Variants in ZMAT4 observed in about 807,000 individuals in gnomAD.
The protein encoded by ZMAT4 is zinc finger matrin-type 4.
ZMAT4 carries 17 observed loss-of-function variants against 28.7 expected under a neutral mutation model. The ratio of observed to expected loss-of-function variants is 0.59; its 90% CI spans 0.41 to 0.89. The LOEUF is 0.89. ZMAT4 is among the 40% of genes least tolerant of loss of function. ZMAT4 has a pLI of 0.00. For missense variants in ZMAT4, 240 were observed against 283.8 expected (o/e 0.85, Z 1.11); for synonymous variants, 117 against 109.2 (o/e 1.07, Z -0.44).
chr8:40,804,667 A>C (rs10808945), intron 2 of ZMAT4, among the ~76,000 whole-genome samples: 86,062 of 151,466 alleles, frequency 0.57, 24,698 homozygotes, highest in East Asian at 0.66. Flanking sequence ...TGGAGAAACC[A>C]GGTCTCTCTG....
intron 1 of ZMAT4, among the ~76,000 whole-genome samples, chr8:40,874,959 C>T (rs1817988035): frequency 6.6e-6 from 1 of 152,182 alleles, no homozygotes; most frequent in Non-Finnish European, 1.5e-5. Context: ...GCACATGGCG[C>T]ACTCCAGAAT....
At chr8:40,665,114 G>C (rs943484557) in intron 5 of ZMAT4, among the ~76,000 whole-genome samples, 8 of 152,142 alleles carry the variant, frequency 5.3e-5, no homozygotes, top group African/African-American at 1.7e-4. Flanking sequence ...TCTGAGGCAG[G>C]AGAATCACTT....
intron 3 of ZMAT4, among the ~76,000 whole-genome samples, chr8:40,754,975 C>G (rs1035564276): frequency 9.2e-5 from 14 of 151,986 alleles, no homozygotes; most frequent in Non-Finnish European, 1.9e-4. Flanking sequence ...TATTGCATTC[C>G]ATCCAGCCTG....
rs116491387 is a variant in ZMAT4, at chr8:40,717,506, A to C, written c.193-20105T>G. Among the ~76,000 whole-genome samples, 1,016 of 152,038 alleles carry C rather than the reference A, an allele frequency of 6.7e-3. 16 individuals are homozygous for C. Among genetic ancestry groups the C allele is most frequent in the African/African-American group, 0.023 (963 of 41,474 alleles). ...TCCATCTCTACAAAATAAGAATAAAAAATAACTAGCCAGGTGTGGTGGTGC... is the reference window on the plus strand; with the variant it reads ...TCCATCTCTACAAAATAAGAATAAACAATAACTAGCCAGGTGTGGTGGTGC... On this transcript the variant is annotated intron_variant, in intron 3 of 6. Transcript: ENST00000297737.
At chr8:40,871,581 G>A (rs1817857771) in intron 1 of ZMAT4, among the ~76,000 whole-genome samples, 3 of 152,178 alleles carry the variant, frequency 2.0e-5, no homozygotes, top group Admixed American at 2.0e-4. Flanking sequence ...GGGAGTAGTG[G>A]GAAAAGGCAG....
Position 40,794,063 on chromosome 8 carries a change from T to G in ZMAT4, c.103-26333A>C, listed in dbSNP as rs148855552. Among the ~76,000 whole-genome samples, 1,519 of 152,214 alleles carry G rather than the reference T, an allele frequency of 1.0e-2. 15 individuals are homozygous for G. Among genetic ancestry groups the G allele is most frequent in the Admixed American group, 0.015 (234 of 15,300 alleles). The stretch of plus-strand genomic sequence containing the variant: ...TGCAATTAGTTCTTTGCCAGCTGCC[T>G]TAGGAGACATCAAAAGGCAATTTTT... On this transcript the variant is annotated intron_variant, in intron 2 of 6. Transcript: ENST00000297737.
At chr8:40,849,741 A>T (rs188934764) in intron 1 of ZMAT4, among the ~76,000 whole-genome samples, 1 of 152,304 alleles carries the variant, frequency 6.6e-6, no homozygotes, top group Non-Finnish European at 1.5e-5. Flanking sequence ...CTCATTCATG[A>T]GGATCTCCTT....
chr8:40,565,856 C>T (rs1803906072), intron 6 of ZMAT4, among the ~76,000 whole-genome samples: 1 of 151,750 alleles, frequency 6.6e-6, no homozygotes, highest in South Asian at 2.1e-4. Flanking sequence ...TGCCCAGTCA[C>T]CCAACACCAC....
At chr8:40,598,128 C>T (rs1388308769) in intron 5 of ZMAT4, among the ~76,000 whole-genome samples, 2 of 152,092 alleles carry the variant, frequency 1.3e-5, no homozygotes, top group East Asian at 1.9e-4. Context: ...CTTTTTCATA[C>T]GTCAATATGT....
chr8:40,564,660 T>C (rs1350141605), intron 6 of ZMAT4, among the ~76,000 whole-genome samples: 1 of 152,220 alleles, frequency 6.6e-6, no homozygotes, highest in Non-Finnish European at 1.5e-5. Flanking sequence ...TGTTGCAGCC[T>C]GTTCCACTGT....
intron 1 of ZMAT4, among the ~76,000 whole-genome samples, chr8:40,881,846 T>G (rs1335211969): frequency 6.6e-6 from 1 of 152,064 alleles, no homozygotes; most frequent in Non-Finnish European, 1.5e-5. Flanking sequence ...AATGTAGTGT[T>G]TAAGTGCACA....
At chr8:40,835,432 C>A (rs528874194) in intron 1 of ZMAT4, among the ~76,000 whole-genome samples, 1 of 152,204 alleles carries the variant, frequency 6.6e-6, no homozygotes, top group Non-Finnish European at 1.5e-5. Flanking sequence ...CTACGTGGGT[C>A]CCCCCACTTT....
chr8:40,872,446 C>A (rs1257391830), intron 1 of ZMAT4, among the ~76,000 whole-genome samples: 1 of 152,176 alleles, frequency 6.6e-6, no homozygotes, highest in Admixed American at 6.5e-5. Flanking sequence ...CCCCCCCCAA[C>A]CCTGGAGAAG....
intron 4 of ZMAT4, among the ~76,000 whole-genome samples, chr8:40,685,288 G>C (rs1020184587): frequency 6.6e-5 from 10 of 152,072 alleles, no homozygotes; most frequent in Non-Finnish European, 1.3e-4. Context: ...AGGTACCCTA[G>C]TCCCTGAGGG....
intron 6 of ZMAT4, among the ~76,000 whole-genome samples, chr8:40,557,560 A>G (rs1445644366): frequency 6.6e-6 from 1 of 152,114 alleles, no homozygotes; most frequent in African/African-American, 2.4e-5. Flanking sequence ...TTCTTCAACA[A>G]CTCAAGTCAA....
At chr8:40,542,531 C>T (rs112539480) in intron 6 of ZMAT4, among the ~76,000 whole-genome samples, 23,240 of 151,726 alleles carry the variant, frequency 0.15, 2,017 homozygotes, top group African/African-American at 0.23. Flanking sequence ...TGGGACTACA[C>T]GTACATGCCA....
chr8:40,552,385 C>G (rs537626477), intron 6 of ZMAT4, among the ~76,000 whole-genome samples: 1 of 152,282 alleles, frequency 6.6e-6, no homozygotes, highest in South Asian at 2.1e-4. Flanking sequence ...CCAAATTCTG[C>G]ATCTTTTCCC....
intron 3 of ZMAT4, among the ~76,000 whole-genome samples, chr8:40,764,213 T>C (rs1194742822): frequency 6.6e-6 from 1 of 152,168 alleles, no homozygotes; most frequent in Non-Finnish European, 1.5e-5. Context: ...AACAATTTAT[T>C]TCTCACTTAA....
chr8:40,719,054 A>G (rs776416861), intron 3 of ZMAT4, among the ~76,000 whole-genome samples: 17 of 152,216 alleles, frequency 1.1e-4, no homozygotes, highest in Non-Finnish European at 2.4e-4. Flanking sequence ...GATGGGGCCT[A>G]GAAATCAGCC....
Sources: gnomAD v4.1 joint callset for allele counts (sites outside exome capture counted in the v4.1 genomes callset) on GRCh38, gnomAD v4.1.1 for gene constraint, MANE v1.5 for transcripts, NCBI Gene and HGNC (gene_info 2026-07-23, HGNC 2026-07-21) for gene names.